Variants in VANGL2 observed in about 807,000 individuals in gnomAD.
VANGL2 encodes the protein VANGL planar cell polarity protein 2.
A neutral mutation model predicts 50.2 loss-of-function variants in VANGL2; 14 were observed. The observed-to-expected ratio is 0.28, with a 90% CI of 0.18 to 0.44. The LOEUF (loss-of-function observed/expected upper bound fraction) is 0.44. Ranked by LOEUF, VANGL2 falls within the 20% of genes least tolerant of loss-of-function variation. The probability of loss-of-function intolerance (pLI) is 1.00; values close to 1 mark genes in which losing one functional copy is unlikely to be tolerated. For synonymous variants in VANGL2, 295 were observed against 297.2 expected, an observed-to-expected ratio of 0.99 and a Z score of 0.08; for missense variants, 533 against 701.5, an observed-to-expected ratio of 0.76 and a Z score of 2.71.
chr1:160,405,573 C>T (rs1434284490), intron 1 of VANGL2, among the ~76,000 whole-genome samples: 1 of 149,634 alleles, frequency 6.7e-6, no homozygotes, highest in Non-Finnish European at 1.5e-5. Context: ...TTGAGAGAAG[C>T]AGGCTTGGAA....
intron 3 of VANGL2, among the ~76,000 whole-genome samples, chr1:160,418,014 C>T (rs556405803): frequency 1.3e-4 from 20 of 150,616 alleles, no homozygotes; most frequent in African/African-American, 4.6e-4. Context: ...TGGGTTCAAG[C>T]GATTCTCCTG....
intron 7 of VANGL2, among the ~76,000 whole-genome samples, chr1:160,424,591 C>G (rs1651387567): frequency 6.6e-6 from 1 of 152,194 alleles, no homozygotes; most frequent in Non-Finnish European, 1.5e-5. Flanking sequence ...CCTCCATTAC[C>G]CTCTTCACCT....
rs576915953 is a variant in VANGL2, at chr1:160,416,119, G to A, written c.129G>A (p.Ser43=). 5.0e-6 allele frequency: 8 copies of A among 1,614,230 alleles called. No homozygotes were observed. The highest frequency in any genetic ancestry group is 2.2e-5 in the East Asian group (1 of 44,878). ...GAGATGGGGGCCGAGGGGACAAGTCGGTGACAATCCAGGCTCCCGGGGAGC... is the reference window on the plus strand; with the variant it reads ...GAGATGGGGGCCGAGGGGACAAGTCAGTGACAATCCAGGCTCCCGGGGAGC... ...KSRDGGRGDK[S]VTIQAPGEPL... is the part of the protein sequence containing the mutation. The change falls in exon 3 of 8, where the codon TCG becomes TCA. Residue 43 remains serine, a synonymous_variant. Transcript: ENST00000368061.
At chr1:160,421,782 G>C (rs933567409) in intron 6 of VANGL2, among the ~76,000 whole-genome samples, 4 of 152,126 alleles carry the variant, frequency 2.6e-5, no homozygotes, top group African/African-American at 9.7e-5. Flanking sequence ...CTGCCACAGT[G>C]GGGTAGGGAC....
intron 1 of VANGL2, among the ~76,000 whole-genome samples, chr1:160,403,617 G>A (rs1013953159): frequency 6.6e-5 from 10 of 152,000 alleles, no homozygotes; most frequent in Admixed American, 3.3e-4. Context: ...ACTAACAGAA[G>A]CTTTGGCAGG....
intron 1 of VANGL2, among the ~76,000 whole-genome samples, chr1:160,412,631 T>A (rs1437125019): frequency 6.6e-6 from 1 of 152,204 alleles, no homozygotes; most frequent in African/African-American, 2.4e-5. Flanking sequence ...TATGTCCCTG[T>A]CCTCTAAGTG....
chr1:160,420,273 C>A, intron 4 of VANGL2, 138 bp from the exon 5 acceptor site: 2 of 1,164,592 alleles, frequency 1.7e-6, no homozygotes, highest in Non-Finnish European at 2.5e-6. Flanking sequence ...ACCTCAGGCC[C>A]GGAGTCAGGC....
chr1:160,427,097 A>T lies in VANGL2; in HGVS notation c.*1719A>T, dbSNP rs771027925. ...CCCAAAGGGGTGGGTTGTGGAGCTCACTTAGGCAGGGCCTCTGGCTGGGGC... is the reference window on the plus strand; with the variant it reads ...CCCAAAGGGGTGGGTTGTGGAGCTCTCTTAGGCAGGGCCTCTGGCTGGGGC... On this transcript the variant is annotated 3_prime_UTR_variant, in exon 8 of 8. Coordinates refer to ENST00000368061, the MANE Select transcript of VANGL2 (RefSeq NM_020335.3). 7.2e-5 allele frequency: 11 copies of T among 152,782 alleles called. No homozygotes were observed. Among genetic ancestry groups the T allele is most frequent in the Non-Finnish European group, 1.5e-4 (10 of 68,132 alleles). The allele number at this position is 152,782 out of a possible 1,614,324, so 9.5% of individuals were successfully genotyped here.
At chr1:160,418,863 A>C in intron 3 of VANGL2, 139 bp from the exon 4 acceptor site, 4 of 1,076,714 alleles carry the variant, frequency 3.7e-6, no homozygotes, top group South Asian at 1.7e-5. Context: ...TTTGTTGATT[A>C]CCCTCTCTTC....
At chr1:160,415,071 G>A (rs1046510618) in intron 1 of VANGL2, among the ~76,000 whole-genome samples, 3 of 152,138 alleles carry the variant, frequency 2.0e-5, no homozygotes, top group African/African-American at 7.2e-5. Flanking sequence ...CAACCTCAAG[G>A]AAGCTGCCAG....
At chr1:160,422,129 C>G (rs1199430195) in intron 6 of VANGL2, among the ~76,000 whole-genome samples, 1 of 152,222 alleles carries the variant, frequency 6.6e-6, no homozygotes, top group Admixed American at 6.5e-5. Context: ...CCCACATGAA[C>G]TCCAGGCTTC....
Position 160,425,525 on chromosome 1 carries a change from T to G in VANGL2, c.*147T>G. 1.3e-6 allele frequency: 1 copy of G among 760,144 alleles called. No homozygotes were observed. Among genetic ancestry groups the G allele is most frequent in the Non-Finnish European group, 2.1e-6 (1 of 485,290 alleles). 47.1% of individuals were successfully genotyped at this position (760,144 alleles called of 1,614,324 possible). A position where few individuals can be genotyped will look rare whatever the true frequency, so the allele number is the denominator to read the frequency against. ...TGAATTAACGCACCCCCACCTTCTC[T>G]CCTCGCTTCTTCCTTATTTTACCCC... On this transcript the variant is annotated 3_prime_UTR_variant, in exon 8 of 8. Coordinates refer to ENST00000368061, the MANE Select transcript of VANGL2 (RefSeq NM_020335.3).
rs527492077 is a variant in VANGL2, at chr1:160,403,363, C to T, written c.-191+2494C>T. On this transcript the variant is annotated intron_variant, in intron 1 of 7. Transcript: ENST00000368061. Reference sequence around the variant, plus strand: ...ATTGTGGTCAGATAATAGGAAATGCCATTTCTGAAAGTACTTCCAGATTGG... The same window carrying T: ...ATTGTGGTCAGATAATAGGAAATGCTATTTCTGAAAGTACTTCCAGATTGG... Among the ~76,000 whole-genome samples, 218 of 152,274 alleles carry T rather than the reference C, an allele frequency of 1.4e-3. 1 individual carries two copies. Among genetic ancestry groups the T allele is most frequent in the Non-Finnish European group, 2.0e-3 (134 of 68,020 alleles).
chr1:160,421,472 T>G (rs769333134), intron 6 of VANGL2, among the ~76,000 whole-genome samples: 22 of 152,132 alleles, frequency 1.4e-4, no homozygotes, highest in Non-Finnish European at 2.6e-4. Context: ...GAGCCTATGC[T>G]TTCTCTTTCA....
chr1:160,420,558 C>G lies in VANGL2; in HGVS notation c.937+11C>G, dbSNP rs1175812336. The G allele has an allele frequency of 1.9e-6, 3 of 1,614,054 alleles. No homozygotes were observed. The highest frequency in any genetic ancestry group is 2.7e-5 in the African/African-American group (2 of 74,914). ...ATTCCCTCGGAGAGGGTGAGCAGCC[C>G]TGCTCCTCTGCCCTTCCCTGTCTCT... On this transcript the variant is annotated intron_variant, in intron 5 of 7. Transcript: ENST00000368061.
At chr1:160,404,369 T>G (rs1650583487) in intron 1 of VANGL2, among the ~76,000 whole-genome samples, 1 of 152,086 alleles carries the variant, frequency 6.6e-6, no homozygotes, top group Admixed American at 6.6e-5. Flanking sequence ...CCAGGGAAGG[T>G]TCCTGCAGGA....
intron 6 of VANGL2, among the ~76,000 whole-genome samples, chr1:160,421,523 G>A (rs1356526627): frequency 6.6e-6 from 1 of 152,108 alleles, no homozygotes; most frequent in Non-Finnish European, 1.5e-5. Flanking sequence ...TTGTCACATA[G>A]CCCCATAGGC....
At position 160,419,341 on chromosome 1, in the gene VANGL2, G is replaced by A. The variant is rs146421127; in HGVS notation, c.532G>A (p.Val178Ile). 2.9e-5 allele frequency: 47 copies of A among 1,611,048 alleles called. 1 individual carries two copies. The highest frequency in any genetic ancestry group is 3.3e-4 in the Middle Eastern group (2 of 6,062). ...CCGGCCCAAGGCCTCGCTGCCCCGC[G>A]TCTTTGTGCTGCGTGCCCTGCTTAT... Reference protein sequence around the residue: ...FRRPKASLPRVFVLRALLMVL... With the variant: ...FRRPKASLPRIFVLRALLMVL... The change falls in exon 4 of 8, where the codon GTC becomes ATC. Residue 178 changes from valine to isoleucine, a missense_variant. By Grantham distance (29) the Val-to-Ile change is conservative. Coordinates refer to ENST00000368061, the MANE Select transcript of VANGL2 (RefSeq NM_020335.3). The surrounding 1 kb of genome is among the most constrained non-coding windows in gnomAD (Gnocchi z 5.8).
chr1:160,415,545 G>T (rs1438321783), intron 1 of VANGL2, 103 bp from the exon 2 acceptor site: 2 of 465,214 alleles, frequency 4.3e-6, no homozygotes, highest in Non-Finnish European at 7.9e-6. Context: ...CTATGGCTGG[G>T]CTCATTTGAG....
Sources: allele counts gnomAD v4.1 joint callset (sites outside exome capture counted in the v4.1 genomes callset), GRCh38; gene constraint gnomAD v4.1.1; non-coding constraint Gnocchi (gnomAD v3.1); transcripts MANE v1.5; gene names NCBI Gene and HGNC (gene_info 2026-07-23, HGNC 2026-07-21).